RAB6A: variants seen among roughly 807,000 people sequenced by gnomAD.
RAB6A encodes the protein RAB6A, member RAS oncogene family, also known as ras-related protein Rab-6A.
A neutral mutation model predicts 32.3 loss-of-function variants in RAB6A; 8 were observed. The ratio of observed to expected loss-of-function variants is 0.25; its 90% CI spans 0.15 to 0.45. The LOEUF is 0.45. Among genes scored for constraint, RAB6A ranks in the 20% least tolerant of loss-of-function variants. The probability of loss-of-function intolerance (pLI) is 1.00; values close to 1 mark genes in which losing one functional copy is unlikely to be tolerated. For synonymous variants in RAB6A, 73 were observed against 82.1 expected (o/e 0.89, Z 0.60); for missense variants, 104 against 249.4 (o/e 0.42, Z 3.93).
At chr11:73,715,658 G>A (rs1292146691) in intron 5 of RAB6A, among the ~76,000 whole-genome samples, 1 of 152,182 alleles carries the variant, frequency 6.6e-6, no homozygotes, top group African/African-American at 2.4e-5. Flanking sequence ...TAAGAATGCT[G>A]AAAGCAAATA....
intron 1 of RAB6A, among the ~76,000 whole-genome samples, chr11:73,737,733 G>A (rs1946421554): frequency 6.6e-6 from 1 of 152,018 alleles, no homozygotes; most frequent in Admixed American, 6.6e-5. Context: ...GGTGACTCAC[G>A]CCTGTAATCC....
intron 1 of RAB6A, among the ~76,000 whole-genome samples, chr11:73,737,829 C>CT (rs1946423509): frequency 6.6e-6 from 1 of 151,600 alleles, no homozygotes; most frequent in Non-Finnish European, 1.5e-5. Context: ...CCCGTCTCTA[C>CT]TTAAAAAAAA....
At chr11:73,688,658 T>C (rs910373878) in intron 6 of RAB6A, among the ~76,000 whole-genome samples, 1 of 152,198 alleles carries the variant, frequency 6.6e-6, no homozygotes, top group Non-Finnish European at 1.5e-5. Flanking sequence ...GAAATCAAAA[T>C]ATCTTACCCC....
chr11:73,738,762 T>C (rs934712413), intron 1 of RAB6A, among the ~76,000 whole-genome samples: 1 of 151,820 alleles, frequency 6.6e-6, no homozygotes, highest in African/African-American at 2.4e-5. Context: ...CTGGGCAACA[T>C]GGCAAAACCC....
chr11:73,682,505 T>C (rs1267460944), intron 6 of RAB6A, among the ~76,000 whole-genome samples: 1 of 151,968 alleles, frequency 6.6e-6, no homozygotes, highest in Non-Finnish European at 1.5e-5. Flanking sequence ...CTACTAAAAA[T>C]ACACAAAATT....
chr11:73,759,110 A>G (rs1946803549), intron 1 of RAB6A, among the ~76,000 whole-genome samples: 1 of 152,192 alleles, frequency 6.6e-6, no homozygotes, highest in African/African-American at 2.4e-5. Flanking sequence ...AGTAGTAATA[A>G]AAGCTACGAA....
At chr11:73,725,601 T>C (rs573692356) in intron 2 of RAB6A, among the ~76,000 whole-genome samples, 5 of 152,346 alleles carry the variant, frequency 3.3e-5, no homozygotes, top group Admixed American at 6.5e-5. Context: ...TTTCCCTTTA[T>C]GAAACCATCA....
At chr11:73,724,954 C>T (rs1453436959) in intron 2 of RAB6A, among the ~76,000 whole-genome samples, 1 of 152,014 alleles carries the variant, frequency 6.6e-6, no homozygotes, top group Non-Finnish European at 1.5e-5. Flanking sequence ...TGATATATAA[C>T]AAAAACTCCA....
At chr11:73,687,336 T>TA (rs139757012) in intron 6 of RAB6A, among the ~76,000 whole-genome samples, 3 of 152,214 alleles carry the variant, frequency 2.0e-5, no homozygotes, top group Non-Finnish European at 4.4e-5. Flanking sequence ...GAATGTACTT[T>TA]AAAAAAATCC....
At chr11:73,708,473 T>C (rs1264769269) in intron 5 of RAB6A, among the ~76,000 whole-genome samples, 1 of 151,958 alleles carries the variant, frequency 6.6e-6, no homozygotes, top group Non-Finnish European at 1.5e-5. Flanking sequence ...CCAGCCGATT[T>C]TGTGGATTTC....
intron 1 of RAB6A, among the ~76,000 whole-genome samples, chr11:73,732,282 G>A (rs1189898708): frequency 6.6e-6 from 1 of 152,074 alleles, no homozygotes; most frequent in Non-Finnish European, 1.5e-5. Flanking sequence ...TACTTTTTGG[G>A]AGGATAAGAA....
Position 73,720,979 on chromosome 11 carries a change from T to C in RAB6A, c.130-80A>G, listed in dbSNP as rs183341954. 90 of 993,122 alleles carry C rather than the reference T, an allele frequency of 9.1e-5. No individual in the cohort carries two copies. In the African/African-American group the frequency reaches 1.3e-3, roughly 14 times the overall value. 61.5% of individuals were successfully genotyped at this position (993,122 alleles called of 1,614,324 possible). Reference sequence around the variant, plus strand: ...TTTAGGATTCAAATGGGATTCATGATTGTGGAAGAAATAATGAATAAACAA... The same window carrying C: ...TTTAGGATTCAAATGGGATTCATGACTGTGGAAGAAATAATGAATAAACAA... On this transcript the variant is annotated intron_variant, in intron 2 of 7. Transcript: ENST00000336083.
chr11:73,711,537 T>C (rs1482004065), intron 5 of RAB6A, among the ~76,000 whole-genome samples: 1 of 152,214 alleles, frequency 6.6e-6, no homozygotes, highest in Admixed American at 6.5e-5. Context: ...TTACAGTCTT[T>C]AGATATTACA....
At chr11:73,739,903 C>CA (rs1313730895) in intron 1 of RAB6A, among the ~76,000 whole-genome samples, 13 of 151,870 alleles carry the variant, frequency 8.6e-5, no homozygotes, top group Non-Finnish European at 1.8e-4. Flanking sequence ...ACTAAAAATA[C>CA]AAAAAATTAG....
intron 3 of RAB6A, among the ~76,000 whole-genome samples, chr11:73,719,551 G>A (rs1240771588): frequency 6.6e-6 from 1 of 152,006 alleles, no homozygotes; most frequent in Non-Finnish European, 1.5e-5. Flanking sequence ...TATATTACAG[G>A]AAGAAAAGCC....
At chr11:73,697,969 C>G (rs546281848) in intron 6 of RAB6A, among the ~76,000 whole-genome samples, 1 of 152,302 alleles carries the variant, frequency 6.6e-6, no homozygotes, top group South Asian at 2.1e-4. Context: ...CCTGTAACCC[C>G]AGCACTTTGG....
At chr11:73,700,582 T>TG (rs1342441127) in intron 6 of RAB6A, among the ~76,000 whole-genome samples, 1 of 14,860 alleles carries the variant, frequency 6.7e-5, no homozygotes, top group Non-Finnish European at 1.2e-4. Context: ...AGACCCTGTC[T>TG]CAAAAAAAAA....
At chr11:73,735,551 G>A (rs766276520) in intron 1 of RAB6A, among the ~76,000 whole-genome samples, 1 of 152,022 alleles carries the variant, frequency 6.6e-6, no homozygotes, top group Non-Finnish European at 1.5e-5. Context: ...ACTTTCCAGA[G>A]AAAAATAACT....
At chr11:73,740,041 A>G (rs1946469730) in intron 1 of RAB6A, among the ~76,000 whole-genome samples, 1 of 151,700 alleles carries the variant, frequency 6.6e-6, no homozygotes, top group South Asian at 2.1e-4. Context: ...CCTGGGCAAC[A>G]GAGCAAGACT....
Sources: allele counts gnomAD v4.1 joint callset (sites outside exome capture counted in the v4.1 genomes callset), GRCh38; gene constraint gnomAD v4.1.1; transcripts MANE v1.5; gene names NCBI Gene and HGNC (gene_info 2026-07-23, HGNC 2026-07-21).